Variants in NEXMIF observed in about 807,000 individuals in gnomAD.
The protein encoded by NEXMIF is XLMR protein related to neurite extension.
In NEXMIF, 8 loss-of-function variants were observed where a neutral mutation model predicts 62.1. That is an observed-to-expected ratio of 0.13 (90% confidence interval 0.08 to 0.23). NEXMIF has a LOEUF of 0.23. NEXMIF is among the 10% of genes least tolerant of loss of function. The probability of loss-of-function intolerance (pLI) is 1.00; values close to 1 mark genes in which losing one functional copy is unlikely to be tolerated. For missense variants in NEXMIF, 976 were observed against 1,113.3 expected (o/e 0.88, Z 1.75); for synonymous variants, 404 against 416.6 (o/e 0.97, Z 0.37).
Position 74,733,505 on chromosome X carries a change from G to T in NEXMIF, c.*5900C>A, listed in dbSNP as rs980903850. The T allele has an allele frequency of 8.9e-6, 1 of 111,904 alleles. No individual in the cohort carries two copies. The highest frequency in any genetic ancestry group is 3.3e-5 in the African/African-American group (1 of 30,701). The allele number at this position is 111,904 out of a possible 1,213,427, so 9.2% of individuals were successfully genotyped here. ...AACACTGCTCTAGATGATAAAGAACGTTTTATTTGGGACATAGATTTAATT... is the reference window on the plus strand; with the variant it reads ...AACACTGCTCTAGATGATAAAGAACTTTTTATTTGGGACATAGATTTAATT... On this transcript the variant is annotated 3_prime_UTR_variant, in exon 4 of 4. Coordinates refer to ENST00000055682, the MANE Select transcript of NEXMIF (RefSeq NM_001008537.3).
chrX:74,834,033 C>A (rs914742183), intron 1 of NEXMIF, among the ~76,000 whole-genome samples: 1 of 106,266 alleles, frequency 9.4e-6, no homozygotes, highest in South Asian at 4.3e-4. Flanking sequence ...ACTCGGGAGG[C>A]TGAGGCAGGA....
chrX:74,876,909 G>A (rs2080637317), intron 1 of NEXMIF, among the ~76,000 whole-genome samples: 1 of 111,094 alleles, frequency 9.0e-6, no homozygotes, highest in Non-Finnish European at 1.9e-5. Flanking sequence ...TGGGTTTCCC[G>A]AATACAACAC....
At chrX:74,806,181 G>GT (rs1190990772) in intron 1 of NEXMIF, among the ~76,000 whole-genome samples, 3 of 110,631 alleles carry the variant, frequency 2.7e-5, no homozygotes, top group East Asian at 2.8e-4. Context: ...TCAACTTACC[G>GT]TTTTTTTTCT....
At chrX:74,834,166 G>T (rs1252874672) in intron 1 of NEXMIF, among the ~76,000 whole-genome samples, 1 of 106,432 alleles carries the variant, frequency 9.4e-6, no homozygotes, top group African/African-American at 3.4e-5. Context: ...GAAAAGAAAA[G>T]AAAACTAATA....
Position 74,744,151 on chromosome X carries a change from C to T in NEXMIF, c.406G>A (p.Gly136Arg). 1 of 1,211,619 alleles carries T rather than the reference C, an allele frequency of 8.3e-7. No individual in the cohort carries two copies. Among genetic ancestry groups the T allele is most frequent in the Non-Finnish European group, 1.1e-6 (1 of 895,337 alleles). Residue 136 changes from glycine (G) to arginine (R), a missense_variant, in exon 3 of 4, where the codon GGG becomes AGG. Physicochemically the swap from Gly to Arg is moderately radical, Grantham distance 125. Transcript: ENST00000055682. ...MEPAGMSALN[G>R]DCLMQPSRTC... Reference sequence around the variant, plus strand: ...CGACTTGGCTGCATGAGACAGTCCCCATTCAGAGCTGACATGCCTGCAGGC... The same window carrying T: ...CGACTTGGCTGCATGAGACAGTCCCTATTCAGAGCTGACATGCCTGCAGGC...
chrX:74,807,579 C>T (rs896938793), intron 1 of NEXMIF, among the ~76,000 whole-genome samples: 1 of 111,180 alleles, frequency 9.0e-6, no homozygotes, highest in African/African-American at 3.3e-5. Flanking sequence ...TCTCCTGCCT[C>T]GGCCTCACAA....
chrX:74,880,254 G>T (rs1451835064), intron 1 of NEXMIF, among the ~76,000 whole-genome samples: 2 of 112,071 alleles, frequency 1.8e-5, no homozygotes, highest in Admixed American at 1.9e-4. Flanking sequence ...AAGTCAGAGG[G>T]ATGAGCAAAG....
chrX:74,740,793 C>G lies in NEXMIF; in HGVS notation c.3764G>C (p.Gly1255Ala), dbSNP rs376533138. The change falls in exon 3 of 4, where the codon GGG becomes GCG. Residue 1255 changes from glycine to alanine, a missense_variant. By Grantham distance (60) the Gly-to-Ala change is moderately conservative. This residue lies in a region of NEXMIF where 639 missense variants were observed against 694.5 expected (regional missense o/e 0.92). Coordinates refer to ENST00000055682, the MANE Select transcript of NEXMIF (RefSeq NM_001008537.3). ...TTGGATACATTCAGCCAATGTCTTC[C>G]CAGTGGAGGATATGGTGTTGGTTTG... The part of the protein sequence containing the change: ...GSQTNTISST[G>A]KTLAECIQHG... 1 of 1,211,750 alleles carries G rather than the reference C, an allele frequency of 8.3e-7. No individual in the cohort carries two copies. Among genetic ancestry groups the G allele is most frequent in the Non-Finnish European group, 1.1e-6 (1 of 895,376 alleles).
chrX:74,823,475 C>A (rs1416596531), intron 1 of NEXMIF, among the ~76,000 whole-genome samples: 1 of 111,712 alleles, frequency 9.0e-6, no homozygotes, highest in Non-Finnish European at 1.9e-5. Context: ...ATTGTGACAT[C>A]TGAATGCTAA....
chrX:74,900,190 C>T (rs1246164040), intron 1 of NEXMIF, among the ~76,000 whole-genome samples: 4 of 111,101 alleles, frequency 3.6e-5, no homozygotes, highest in Admixed American at 9.5e-5. Context: ...CAGGGCCAGG[C>T]GCGGTGGCTC....
chrX:74,832,563 T>TA (rs1192550575), intron 1 of NEXMIF, among the ~76,000 whole-genome samples: 5 of 111,112 alleles, frequency 4.5e-5, no homozygotes, highest in South Asian at 3.8e-4. Context: ...GAAAACAAAA[T>TA]AAAAAAAACC....
intron 1 of NEXMIF, among the ~76,000 whole-genome samples, chrX:74,776,461 C>T (rs1158988796): frequency 3.6e-5 from 4 of 111,208 alleles, no homozygotes; most frequent in Non-Finnish European, 5.7e-5. Flanking sequence ...CGCGGTGGCT[C>T]ACGCCTGTAA....
At chrX:74,816,599 T>A (rs1363816321) in intron 1 of NEXMIF, among the ~76,000 whole-genome samples, 1 of 112,100 alleles carries the variant, frequency 8.9e-6, no homozygotes, top group Non-Finnish European at 1.9e-5. Context: ...GATAAAAGCA[T>A]TGCTTTTAAA....
intron 1 of NEXMIF, among the ~76,000 whole-genome samples, chrX:74,763,962 C>A (rs1349046544): frequency 1.8e-5 from 2 of 111,205 alleles, no homozygotes; most frequent in African/African-American, 6.5e-5. Flanking sequence ...CCTTTATTTC[C>A]TTCTCCTGCC....
chrX:74,870,100 C>A (rs2080594974), intron 1 of NEXMIF, among the ~76,000 whole-genome samples: 1 of 111,291 alleles, frequency 9.0e-6, no homozygotes, highest in Non-Finnish European at 1.9e-5. Flanking sequence ...ACCAAAAGAG[C>A]ACTGTATTGT....
chrX:74,827,524 G>C (rs904407185), intron 1 of NEXMIF, among the ~76,000 whole-genome samples: 2 of 112,272 alleles, frequency 1.8e-5, no homozygotes, highest in Admixed American at 1.9e-4. Flanking sequence ...TGATGCCTTA[G>C]TTTCATTGCC....
intron 1 of NEXMIF, among the ~76,000 whole-genome samples, chrX:74,884,081 C>G (rs962618472): frequency 7.2e-5 from 8 of 111,792 alleles, no homozygotes; most frequent in Non-Finnish European, 1.5e-4. Context: ...AAATTCTTTA[C>G]AGACAAGCAA....
Position 74,737,480 on chromosome X carries a change from G to C in NEXMIF, c.*1925C>G, listed in dbSNP as rs767049430. The C allele has an allele frequency of 1.8e-5, 2 of 111,338 alleles. No individual in the cohort carries two copies. Among genetic ancestry groups the C allele is most frequent in the South Asian group, 7.7e-4 (2 of 2,591 alleles). 9.2% of individuals were successfully genotyped at this position (111,338 alleles called of 1,213,427 possible). A position where few individuals can be genotyped will look rare whatever the true frequency, so the allele number is the denominator to read the frequency against. On this transcript the variant is annotated 3_prime_UTR_variant, in exon 4 of 4. Transcript: ENST00000055682. ...AGCATTAAAGCCTAGGAATGGGCCT[G>C]TACCAGCCTCACAGAATGCTCCTCA... is the stretch of plus-strand genomic sequence containing the variant.
At chrX:74,803,569 A>G (rs2080336283) in intron 1 of NEXMIF, among the ~76,000 whole-genome samples, 1 of 108,762 alleles carries the variant, frequency 9.2e-6, no homozygotes, top group Admixed American at 9.9e-5. Context: ...CTCTGTCTCA[A>G]AAAAATAAAT....
Sources: gnomAD v4.1 joint callset for allele counts (sites outside exome capture counted in the v4.1 genomes callset) on GRCh38, gnomAD v4.1.1 for gene constraint, gnomAD v4.1.1 regional missense constraint, MANE v1.5 for transcripts, NCBI Gene and HGNC (gene_info 2026-07-23, HGNC 2026-07-21) for gene names.